CHD1: variants seen among roughly 807,000 people sequenced by gnomAD.
CHD1 encodes the protein chromodomain helicase DNA binding protein 1, also known as ATP-dependent chromatin remodeler CHD1.
A neutral mutation model predicts 224.2 loss-of-function variants in CHD1; 36 were observed. The ratio of observed to expected loss-of-function variants is 0.16; its 90% CI spans 0.12 to 0.21. CHD1 has a LOEUF of 0.21. Ranked by LOEUF, CHD1 falls within the 10% of genes least tolerant of loss-of-function variation. The pLI, the probability that CHD1 is intolerant of heterozygous loss-of-function variation, is 1.00. For synonymous variants in CHD1, 668 were observed against 658.3 expected (o/e 1.01, Z -0.23); for missense variants, 1,378 against 1,994.8 (o/e 0.69, Z 5.89).
At chr5:98,884,942 G>A (rs187441747) in intron 18 of CHD1, among the ~76,000 whole-genome samples, 4 of 151,570 alleles carry the variant, frequency 2.6e-5, no homozygotes, top group African/African-American at 9.7e-5. Context: ...CTGTTTCCCA[G>A]GGTGGTCTCA....
intron 35 of CHD1, 76 bp downstream of exon 35, chr5:98,858,104 A>C: frequency 9.0e-7 from 1 of 1,113,448 alleles, no homozygotes; most frequent in Non-Finnish European, 1.3e-6. Context: ...ATTGGCTGAC[A>C]GGTCAAATAC....
chr5:98,862,861 A>G (rs1419638084), intron 32 of CHD1, among the ~76,000 whole-genome samples: 3 of 152,220 alleles, frequency 2.0e-5, no homozygotes. Flanking sequence ...AATGTAAAAG[A>G]TAGAAGCCAA....
chr5:98,909,788 G>A (rs552282534), intron 2 of CHD1, among the ~76,000 whole-genome samples: 3 of 152,212 alleles, frequency 2.0e-5, no homozygotes, highest in South Asian at 4.1e-4. Flanking sequence ...TGAACTCATG[G>A]ATTTGAACTT....
intron 2 of CHD1, among the ~76,000 whole-genome samples, chr5:98,914,515 T>C (rs1209865459): frequency 4.1e-5 from 6 of 145,532 alleles, no homozygotes; most frequent in African/African-American, 1.2e-4. Flanking sequence ...CAAAATGCCA[T>C]AGAAAAAAAA....
At chr5:98,869,637 C>A (rs1749178739) in intron 30 of CHD1, 117 bp downstream of exon 30, 3 of 1,095,480 alleles carry the variant, frequency 2.7e-6, no homozygotes, top group Non-Finnish European at 4.0e-6. Flanking sequence ...CACACACACA[C>A]ACACACACAC....
chr5:98,891,033 C>A (rs1452242245), intron 15 of CHD1, among the ~76,000 whole-genome samples: 1 of 152,156 alleles, frequency 6.6e-6, no homozygotes, highest in Non-Finnish European at 1.5e-5. Flanking sequence ...ATTGATTCTG[C>A]TGAGAGAGCA....
chr5:98,901,109 A>AT (rs1473920997), intron 6 of CHD1, 27 bp from the exon 7 acceptor site: 4 of 1,566,292 alleles, frequency 2.6e-6, no homozygotes, highest in Non-Finnish European at 3.4e-6. Flanking sequence ...AGAAAAAAAA[A>AT]CAAGATTTGA....
At position 98,877,714 on chromosome 5, in the gene CHD1, T is replaced by C. The variant is rs920162650; in HGVS notation, c.3238-1156A>G. Among the ~76,000 whole-genome samples the C allele has an allele frequency of 4.6e-5, 7 of 152,222 alleles. No homozygotes were observed. In the South Asian group the frequency reaches 1.4e-3, roughly 31 times the overall value. ...CCCTTGATCCTTTCACAAGATCTAA[T>C]GCAATGCTGCATTCTCACACACTCT... On this transcript the variant is annotated intron_variant, in intron 23 of 35. Transcript: ENST00000614616.
At chr5:98,874,420 G>A (rs1156548790) in intron 25 of CHD1, among the ~76,000 whole-genome samples, 2 of 151,554 alleles carry the variant, frequency 1.3e-5, no homozygotes, top group Non-Finnish European at 2.9e-5. Context: ...TCTCTACTTA[G>A]GGAAAGCAGA....
At chr5:98,868,213 G>A (rs571337477) in intron 31 of CHD1, among the ~76,000 whole-genome samples, 1 of 151,618 alleles carries the variant, frequency 6.6e-6, no homozygotes, top group Admixed American at 6.6e-5. Flanking sequence ...TCTAGTCCCA[G>A]CTACTCGAGA....
rs1749013369 is a variant in CHD1, at chr5:98,867,848, G to A, written c.4248+647C>T. Among the ~76,000 whole-genome samples, 6 of 149,082 alleles carry A rather than the reference G, an allele frequency of 4.0e-5. No homozygotes were observed. The South Asian group carries it at 1.1e-3, about 26-fold the overall frequency. ...TAGAGTCTCACTGTTGTCGGCCCGG[G>A]CTGGAGTGCAATGGTGCAATCTCAG... On this transcript the variant is annotated intron_variant, in intron 31 of 35. Transcript: ENST00000614616.
chr5:98,873,034 C>T (rs1749473605), intron 26 of CHD1, among the ~76,000 whole-genome samples: 1 of 152,064 alleles, frequency 6.6e-6, no homozygotes, highest in Admixed American at 6.6e-5. Context: ...CACAATGTTG[C>T]CCAGGCTGGT....
At chr5:98,859,943 T>C (rs908621834) in intron 33 of CHD1, 29 bp downstream of exon 33, 2 of 1,136,140 alleles carry the variant, frequency 1.8e-6, no homozygotes, top group Non-Finnish European at 2.5e-6. Flanking sequence ...TTATATAAAT[T>C]CAGGGAAAAA....
chr5:98,869,235 T>A (rs1749131933), intron 30 of CHD1: 9 of 985,120 alleles, frequency 9.1e-6, no homozygotes, highest in Non-Finnish European at 1.1e-5. Flanking sequence ...TCTCTTTCTG[T>A]TTTAATTTTT....
At position 98,887,505 on chromosome 5, in the gene CHD1, T is replaced by A. The variant is rs562304818; in HGVS notation, c.2496+583A>T. ...TCATAAAATTGCTTTGAGAATTAAG[T>A]AATTAGATCTGAAGTACTGAAAACA... On this transcript the variant is annotated intron_variant, in intron 17 of 35. Coordinates refer to ENST00000614616, the MANE Select transcript of CHD1 (RefSeq NM_001270.4). Among the ~76,000 whole-genome samples, 7 of 152,270 alleles carry A rather than the reference T, an allele frequency of 4.6e-5. No individual in the cohort carries two copies. The East Asian group carries it at 1.3e-3, about 29-fold the overall frequency.
At chr5:98,887,900 T>G (rs1441336131) in intron 17 of CHD1, among the ~76,000 whole-genome samples, 188 bp downstream of exon 17, 1 of 152,154 alleles carries the variant, frequency 6.6e-6, no homozygotes. Context: ...AAAATTGTTT[T>G]GTTGCAATAT....
intron 5 of CHD1, among the ~76,000 whole-genome samples, chr5:98,902,314 G>C (rs758970773): frequency 9.2e-5 from 14 of 151,682 alleles, no homozygotes; most frequent in Non-Finnish European, 7.4e-5. Context: ...ATCTTTTTTT[G>C]GGAAAAATAA....
chr5:98,872,243 C>G, intron 27 of CHD1, 42 bp from the exon 28 acceptor site: 1 of 1,564,238 alleles, frequency 6.4e-7, no homozygotes, highest in Non-Finnish European at 8.6e-7. Context: ...TTGTAATTGC[C>G]TTAACTGAAA....
rs765981931 is a variant in CHD1, at chr5:98,860,128, T to C, written c.4428-60A>G. 7 of 888,674 alleles carry C rather than the reference T, an allele frequency of 7.9e-6. No homozygotes were observed. In the South Asian group the frequency reaches 8.4e-5, roughly 11 times the overall value. The allele number at this position is 888,674 out of a possible 1,614,324, so 55.0% of individuals were successfully genotyped here. A position where few individuals can be genotyped will look rare whatever the true frequency, so the allele number is the denominator to read the frequency against. The stretch of plus-strand genomic sequence containing the variant: ...TCTGGTGGAAAATATTTAGTTTTTT[T>C]CATGGAACTCCTTCCCTCCAGGCAC... On this transcript the variant is annotated intron_variant, in intron 32 of 35. Transcript: ENST00000614616.
Sources: gnomAD v4.1 joint callset for allele counts (sites outside exome capture counted in the v4.1 genomes callset) on GRCh38, gnomAD v4.1.1 for gene constraint, MANE v1.5 for transcripts, NCBI Gene and HGNC (gene_info 2026-07-23, HGNC 2026-07-21) for gene names.